The following CFAP77 variants were observed in gnomAD, a reference collection of about 807,000 sequenced individuals.
CFAP77 encodes the protein cilia- and flagella-associated protein 77.
A neutral mutation model predicts 31.1 loss-of-function variants in CFAP77; 25 were observed. The ratio of observed to expected loss-of-function variants is 0.80; its 90% CI spans 0.59 to 1.12. The LOEUF (loss-of-function observed/expected upper bound fraction) is 1.12, where lower values mean the gene tolerates loss of function less well. Among genes scored for constraint, CFAP77 ranks in the 50% most tolerant of loss-of-function variants. The pLI, the probability that CFAP77 is intolerant of heterozygous loss-of-function variation, is 0.00. For synonymous variants in CFAP77, 151 were observed against 159.9 expected (o/e 0.94, Z 0.42); for missense variants, 377 against 397.3 (o/e 0.95, Z 0.44).
At chr9:132,451,609 T>G (rs1459889817) in intron 1 of CFAP77, among the ~76,000 whole-genome samples, 2 of 152,036 alleles carry the variant, frequency 1.3e-5, no homozygotes, top group African/African-American at 4.8e-5. Context: ...AGTTCTCTCC[T>G]CTTCATTGTG....
chr9:132,525,762 T>C (rs1404708720), intron 3 of CFAP77, among the ~76,000 whole-genome samples: 1 of 152,248 alleles, frequency 6.6e-6, no homozygotes, highest in East Asian at 1.9e-4. Flanking sequence ...CCTGCTTCCC[T>C]CTATTTCCCA....
chr9:132,416,641 C>CT lies in CFAP77; in HGVS notation c.195+6190dup, dbSNP rs753121257. 6.4e-3 allele frequency among the ~76,000 whole-genome samples: 791 copies of CT among 123,096 alleles called. 17 individuals carry two copies. Among genetic ancestry groups the CT allele is most frequent in the African/African-American group, 0.015 (471 of 32,260 alleles). The allele number at this position is 123,096 out of a possible 152,430, so 80.8% of individuals were successfully genotyped here. On this transcript the variant is annotated intron_variant, in intron 1 of 5. Coordinates refer to ENST00000393216, the MANE Select transcript of CFAP77 (RefSeq NM_001282957.2). ...TACAGGCGTGAACCACCACACTGGG[C>CT]TTTTTTTTTTTTTTTGAGACGGAGT...
At chr9:132,486,132 G>A (rs1331694280) in intron 1 of CFAP77, among the ~76,000 whole-genome samples, 2 of 108,390 alleles carry the variant, frequency 1.8e-5, no homozygotes, top group African/African-American at 3.9e-5. Context: ...TTGTTCTGTC[G>A]CCCAGGCTGG....
intron 5 of CFAP77, among the ~76,000 whole-genome samples, chr9:132,547,602 G>A (rs1214473889): frequency 6.6e-6 from 1 of 152,310 alleles, no homozygotes; most frequent in South Asian, 2.1e-4. Context: ...GCTGGCTTGG[G>A]GTGACATGGA....
At chr9:132,473,532 C>T (rs1191093529) in intron 1 of CFAP77, among the ~76,000 whole-genome samples, 1 of 152,300 alleles carries the variant, frequency 6.6e-6, no homozygotes, top group South Asian at 2.1e-4. Flanking sequence ...AGACTGTATA[C>T]TCATCAGGAT....
At position 132,455,290 on chromosome 9, in the gene CFAP77, T is replaced by TGAGGTCAGGAGTTC. The variant is rs1850893175; in HGVS notation, c.196-43401_196-43388dup. Among the ~76,000 whole-genome samples, 1 of 152,092 alleles carries TGAGGTCAGGAGTTC rather than the reference T, an allele frequency of 6.6e-6. No individual in the cohort carries two copies. Among genetic ancestry groups the TGAGGTCAGGAGTTC allele is most frequent in the South Asian group, 2.1e-4 (1 of 4,824 alleles). ...GGGAGGCCGAGGCGGGTGGATCACC[T>TGAGGTCAGGAGTTC]GAGGTCAGGAGTTCGAGATCAGCCT... On this transcript the variant is annotated intron_variant, in intron 1 of 5. Coordinates refer to ENST00000393216, the MANE Select transcript of CFAP77 (RefSeq NM_001282957.2). This position sits in a 1 kb window ranked among gnomAD's most constrained non-coding sequence, Gnocchi z 4.1.
At chr9:132,534,841 C>A (rs1012066091) in intron 3 of CFAP77, among the ~76,000 whole-genome samples, 1 of 152,158 alleles carries the variant, frequency 6.6e-6, no homozygotes, top group Non-Finnish European at 1.5e-5. Context: ...TTTCAACTCA[C>A]GGCCATTGTT....
intron 1 of CFAP77, among the ~76,000 whole-genome samples, chr9:132,457,667 G>C (rs1159359532): frequency 6.6e-6 from 1 of 152,220 alleles, no homozygotes; most frequent in Non-Finnish European, 1.5e-5. Flanking sequence ...TTTTATGTCT[G>C]CACGCGTGCC....
At chr9:132,462,823 AAAAT>A (rs780294239) in intron 1 of CFAP77, among the ~76,000 whole-genome samples, 1 of 151,630 alleles carries the variant, frequency 6.6e-6, no homozygotes, top group African/African-American at 2.4e-5. Context: ...TCTCAAAATA[AAAAT>A]AAAATAAAAT....
At position 132,500,000 on chromosome 9, in the gene CFAP77, A is replaced by C. The variant is rs1043694220; in HGVS notation, c.524+400A>C. On this transcript the variant is annotated intron_variant, in intron 3 of 5. Coordinates refer to ENST00000393216, the MANE Select transcript of CFAP77 (RefSeq NM_001282957.2). The surrounding 1 kb of genome is among the most constrained non-coding windows in gnomAD (Gnocchi z 5.4). Reference sequence around the variant, plus strand: ...ACCCCGTCTCTACAAAAAAATTTTAAAAATTAGCTGGGCATTGTGGCACGT... The same window carrying C: ...ACCCCGTCTCTACAAAAAAATTTTACAAATTAGCTGGGCATTGTGGCACGT... 3.9e-5 allele frequency among the ~76,000 whole-genome samples: 6 copies of C among 152,102 alleles called. No homozygotes were observed. Among genetic ancestry groups the C allele is most frequent in the Non-Finnish European group, 5.9e-5 (4 of 68,012 alleles).
intron 3 of CFAP77, among the ~76,000 whole-genome samples, chr9:132,509,401 G>A (rs1184834883): frequency 6.6e-6 from 1 of 152,212 alleles, no homozygotes; most frequent in Non-Finnish European, 1.5e-5. Flanking sequence ...GAGTCCGACA[G>A]GGGTCCCCTG....
chr9:132,519,961 T>C (rs1032691787), intron 3 of CFAP77, among the ~76,000 whole-genome samples: 1 of 151,884 alleles, frequency 6.6e-6, no homozygotes, highest in African/African-American at 2.4e-5. Context: ...GGTGGATGGA[T>C]GGACTAACGA....
intron 3 of CFAP77, among the ~76,000 whole-genome samples, chr9:132,504,727 C>T (rs987274227): frequency 1.3e-5 from 2 of 152,180 alleles, no homozygotes; most frequent in Non-Finnish European, 2.9e-5. Flanking sequence ...TTTATTTCTT[C>T]GTAAATGGAG....
chr9:132,507,700 C>G (rs1181746486), intron 3 of CFAP77, among the ~76,000 whole-genome samples: 1 of 152,296 alleles, frequency 6.6e-6, no homozygotes, highest in East Asian at 1.9e-4. Context: ...AAGCCACCCA[C>G]CCAAGCTCCT....
chr9:132,432,919 T>G (rs1049455679), intron 1 of CFAP77, among the ~76,000 whole-genome samples: 4 of 152,150 alleles, frequency 2.6e-5, no homozygotes, highest in African/African-American at 9.7e-5. Context: ...TTTCGCCATG[T>G]TAGCCAGGAT....
intron 5 of CFAP77, among the ~76,000 whole-genome samples, chr9:132,561,375 A>C (rs182116538): frequency 2.6e-5 from 4 of 151,310 alleles, no homozygotes; most frequent in Admixed American, 1.3e-4. Flanking sequence ...TCCCCCCCCA[A>C]ATCCTCCCTT....
At chr9:132,473,548 C>T (rs1241938007) in intron 1 of CFAP77, among the ~76,000 whole-genome samples, 2 of 152,230 alleles carry the variant, frequency 1.3e-5, no homozygotes, top group East Asian at 1.9e-4. Context: ...AGGATACCTT[C>T]CTGTCTGTGG....
chr9:132,449,894 GT>G (rs59697546), intron 1 of CFAP77, among the ~76,000 whole-genome samples: 2 of 149,752 alleles, frequency 1.3e-5, no homozygotes, highest in Non-Finnish European at 3.0e-5. Context: ...ATGATTAAGA[GT>G]TTTTTTGTTT....
At chr9:132,548,940 G>A (rs1004962218) in intron 5 of CFAP77, among the ~76,000 whole-genome samples, 1 of 152,168 alleles carries the variant, frequency 6.6e-6, no homozygotes, top group Non-Finnish European at 1.5e-5. Context: ...TCCTCTGTTC[G>A]TGGAAGACTA....
Sources: allele counts gnomAD v4.1 joint callset (sites outside exome capture counted in the v4.1 genomes callset), GRCh38; gene constraint gnomAD v4.1.1; non-coding constraint Gnocchi (gnomAD v3.1); transcripts MANE v1.5; gene names NCBI Gene and HGNC (gene_info 2026-07-23, HGNC 2026-07-21).